ZFX: variants seen among roughly 807,000 people sequenced by gnomAD.
ZFX encodes zinc finger protein X-linked, also known as zinc finger X-chromosomal protein.
For synonymous variants in ZFX, 196 were observed against 226.8 expected (o/e 0.86, Z 1.22); for missense variants, 362 against 628.3 (o/e 0.58, Z 4.53).
intron 5 of ZFX, among the ~76,000 whole-genome samples, chrX:24,190,934 C>G (rs1438432842): frequency 9.0e-6 from 1 of 111,650 alleles, no homozygotes; most frequent in Non-Finnish European, 1.9e-5. Context: ...AATGAGAGAT[C>G]CTGTCAGTCA....
intron 9 of ZFX, 24 bp from the exon 10 acceptor site, chrX:24,210,169 T>C: frequency 2.5e-6 from 3 of 1,211,090 alleles, no homozygotes; most frequent in Non-Finnish European, 3.4e-6. Context: ...TGAGCACTCA[T>C]ACTCCTTTCT....
At chrX:24,190,947 G>A (rs1327686872) in intron 5 of ZFX, among the ~76,000 whole-genome samples, 3 of 111,897 alleles carry the variant, frequency 2.7e-5, no homozygotes, top group African/African-American at 9.7e-5. Flanking sequence ...GTCAGTCACT[G>A]CTAGCTGTTG....
chrX:24,171,053 TTTCCATTACTA>T (rs1433604901), intron 3 of ZFX, among the ~76,000 whole-genome samples: 2 of 112,239 alleles, frequency 1.8e-5, no homozygotes, highest in African/African-American at 6.5e-5. Flanking sequence ...TTAATGGATA[TTTCCATTACTA>T]TTCCATGTTA....
intron 4 of ZFX, among the ~76,000 whole-genome samples, chrX:24,175,042 G>A: frequency 8.9e-6 from 1 of 112,177 alleles, no homozygotes; most frequent in Non-Finnish European, 1.9e-5. Context: ...CAGTGGGGAT[G>A]TGTGTGTGTT....
chrX:24,181,882 A>G (rs762320073), intron 5 of ZFX, among the ~76,000 whole-genome samples: 1 of 111,807 alleles, frequency 8.9e-6, no homozygotes, highest in African/African-American at 3.2e-5. Flanking sequence ...TGTATGTGGA[A>G]TAAGACTTAA....
At chrX:24,172,110 A>G (rs1414948756) in intron 3 of ZFX, among the ~76,000 whole-genome samples, 1 of 112,150 alleles carries the variant, frequency 8.9e-6, no homozygotes, top group Non-Finnish European at 1.9e-5. Flanking sequence ...TTACTTCTCT[A>G]GATGAGAGGG....
At chrX:24,169,593 T>TAAAAAAAA (rs63276860) in intron 3 of ZFX, among the ~76,000 whole-genome samples, 1 of 87,050 alleles carries the variant, frequency 1.1e-5, no homozygotes, top group Non-Finnish European at 2.2e-5. Flanking sequence ...AACTAGGAAT[T>TAAAAAAAA]AAAAAAAAAA....
chrX:24,156,403 G>A (rs1051353618), intron 3 of ZFX, among the ~76,000 whole-genome samples: 2 of 110,817 alleles, frequency 1.8e-5, no homozygotes, highest in African/African-American at 6.6e-5. Context: ...TTACCCCAAG[G>A]TTGTAATGAT....
At chrX:24,194,148 C>T (rs1443536042) in intron 5 of ZFX, among the ~76,000 whole-genome samples, 1 of 111,408 alleles carries the variant, frequency 9.0e-6, no homozygotes, top group African/African-American at 3.3e-5. Context: ...TCAGAATTTC[C>T]TTCCTTTTTA....
intron 5 of ZFX, among the ~76,000 whole-genome samples, chrX:24,193,555 A>G (rs1228620405): frequency 8.9e-6 from 1 of 111,916 alleles, no homozygotes; most frequent in Non-Finnish European, 1.9e-5. Flanking sequence ...TTTAAAATGG[A>G]TAATTTTGTT....
chrX:24,171,905 G>GGAGAGAGA (rs1213136127), intron 3 of ZFX, among the ~76,000 whole-genome samples: 10 of 41,918 alleles, frequency 2.4e-4, no homozygotes, highest in Non-Finnish European at 4.2e-4. Context: ...AGAGAGAGAA[G>GGAGAGAGA]GAGAGAGAGA....
Position 24,207,798 on chromosome X carries a change from A to T in ZFX, c.883A>T (p.Arg295Trp). ...LDQNSSIRVP[R>W]EKMVYMTVND... The stretch of plus-strand genomic sequence containing the variant: ...TCAGAACAGCAGTATTCGTGTTCCC[A>T]GGGAAAAGATGGTTTATATGACTGT... Residue 295 changes from arginine to tryptophan, a missense_variant, in exon 7 of 10, where the codon AGG becomes TGG. Physicochemically the swap from Arg to Trp is moderately radical, Grantham distance 101. Coordinates refer to ENST00000304543, the MANE Select transcript of ZFX (RefSeq NM_003410.4). 8.3e-7 allele frequency: 1 copy of T among 1,211,690 alleles called. No homozygotes were observed.
rs146392531 is a variant in ZFX at position 24,183,614 on chromosome X, C to G, written c.646+3844C>G. 3.6e-5 allele frequency among the ~76,000 whole-genome samples: 4 copies of G among 112,152 alleles called. No individual in the cohort carries two copies. In the East Asian group the frequency reaches 1.1e-3, roughly 31 times the overall value. On this transcript the variant is annotated intron_variant, in intron 5 of 9. Transcript: ENST00000304543. ...CAAGTGGAAAATTCCACACCTGACA[C>G]TTGCTTTCTGAGGGTTCAATGTATA...
chrX:24,200,672 G>A (rs1184400038), intron 5 of ZFX, among the ~76,000 whole-genome samples: 1 of 111,974 alleles, frequency 8.9e-6, no homozygotes, highest in Non-Finnish European at 1.9e-5. Flanking sequence ...AAATTCTGTT[G>A]ATAGTTCCCA....
intron 4 of ZFX, among the ~76,000 whole-genome samples, chrX:24,178,080 C>T (rs2704827): frequency 0.33 from 35,012 of 105,123 alleles, 4,505 homozygotes; most frequent in South Asian, 0.63. Context: ...TACAGGTGCC[C>T]GCCACCACAC....
At chrX:24,203,267 A>C (rs1937419206) in intron 5 of ZFX, among the ~76,000 whole-genome samples, 1 of 112,153 alleles carries the variant, frequency 8.9e-6, no homozygotes. Flanking sequence ...TCCTGATTCA[A>C]GGCCTCGTCA....
rs1295095399 is a variant in ZFX, at chrX:24,214,132, G to C, written c.*2756G>C. The C allele has an allele frequency of 9.0e-6, 1 of 111,294 alleles. No homozygotes were observed. The allele number at this position is 111,294 out of a possible 1,213,427, so 9.2% of individuals were successfully genotyped here. A position where few individuals can be genotyped will look rare whatever the true frequency, so the allele number is the denominator to read the frequency against. Reference sequence around the variant, plus strand: ...ATGTACTGACATTAGTTACAACCTAGTTTTAATTCTTAAAACAATTTTGAT... The same window carrying C: ...ATGTACTGACATTAGTTACAACCTACTTTTAATTCTTAAAACAATTTTGAT... On this transcript the variant is annotated 3_prime_UTR_variant, in exon 10 of 10. Coordinates refer to ENST00000304543, the MANE Select transcript of ZFX (RefSeq NM_003410.4).
intron 5 of ZFX, among the ~76,000 whole-genome samples, chrX:24,189,124 A>C (rs1200703296): frequency 1.8e-5 from 2 of 112,319 alleles, no homozygotes; most frequent in Admixed American, 1.9e-4. Context: ...GGCGTGAGCC[A>C]CCGCGCCTGG....
At position 24,207,106 on chromosome X, in the gene ZFX, G is replaced by A. The variant is rs185431009; in HGVS notation, c.647-220G>A. On this transcript the variant is annotated intron_variant, in intron 5 of 9. Transcript: ENST00000304543. ...AAATTAGCCGGGCGTGGTGGTAGGC[G>A]CCTGTAGTCCCAGCTCCTCGGGAGG... 1,309 of 320,115 alleles carry A rather than the reference G, an allele frequency of 4.1e-3. 14 individuals carry two copies. The highest frequency in any genetic ancestry group is 0.032 in the African/African-American group (1,155 of 36,315). 26.4% of individuals were successfully genotyped at this position (320,115 alleles called of 1,213,427 possible).
Sources: allele counts gnomAD v4.1 joint callset (sites outside exome capture counted in the v4.1 genomes callset), GRCh38; gene constraint gnomAD v4.1.1; transcripts MANE v1.5; gene names NCBI Gene and HGNC (gene_info 2026-07-23, HGNC 2026-07-21).